RAP1GAP2: variants seen among roughly 807,000 people sequenced by gnomAD.
RAP1GAP2 encodes RAP1 GTPase activating protein 2, also known as rap1 GTPase-activating protein 2.
In RAP1GAP2, 27 loss-of-function variants were observed where a neutral mutation model predicts 95.0. The observed-to-expected ratio is 0.28, with a 90% CI of 0.21 to 0.39. The LOEUF (loss-of-function observed/expected upper bound fraction) is 0.39. RAP1GAP2 is among the 10% of genes least tolerant of loss of function. RAP1GAP2 has a pLI of 1.00. For missense variants in RAP1GAP2, 771 were observed against 970.0 expected, an observed-to-expected ratio of 0.79 and a Z score of 2.72; for synonymous variants, 373 against 380.9, an observed-to-expected ratio of 0.98 and a Z score of 0.24.
intron 3 of RAP1GAP2, among the ~76,000 whole-genome samples, chr17:2,925,556 C>T (rs891674764): frequency 2.1e-4 from 32 of 152,120 alleles, no homozygotes; most frequent in Non-Finnish European, 3.8e-4. Context: ...GATTACAGTT[C>T]GAGATGAGAT....
intron 8 of RAP1GAP2, among the ~76,000 whole-genome samples, chr17:2,972,412 C>T (rs2151513333): frequency 6.6e-6 from 1 of 152,104 alleles, no homozygotes; most frequent in Admixed American, 6.5e-5. Flanking sequence ...AGTGGATCAC[C>T]TGAGGTCAGG....
chr17:2,938,935 G>A (rs1450565595), intron 3 of RAP1GAP2, among the ~76,000 whole-genome samples: 3 of 152,020 alleles, frequency 2.0e-5, no homozygotes, highest in Admixed American at 1.3e-4. Context: ...GTAGTGTGCC[G>A]AGATCATCCC....
Position 2,969,496 on chromosome 17 carries a change from C to CTTTTTTTTTTTTTTTT in RAP1GAP2, c.596+3861_596+3876dup, listed in dbSNP as rs34468461. Among the ~76,000 whole-genome samples, 15 of 83,780 alleles carry CTTTTTTTTTTTTTTTT rather than the reference C, an allele frequency of 1.8e-4. 2 individuals carry two copies. Among genetic ancestry groups the CTTTTTTTTTTTTTTTT allele is most frequent in the African/African-American group, 5.9e-4 (13 of 21,968 alleles). 55.0% of individuals were successfully genotyped at this position (83,780 alleles called of 152,430 possible). The stretch of plus-strand genomic sequence containing the variant: ...GTAAAGATGTGTAAATATATATATT[C>CTTTTTTTTTTTTTTTT]TTTTTTTTTTTTTTTTTTTTTTTGA... On this transcript the variant is annotated intron_variant, in intron 8 of 24. Coordinates refer to ENST00000254695, the MANE Select transcript of RAP1GAP2 (RefSeq NM_015085.5).
intron 8 of RAP1GAP2, among the ~76,000 whole-genome samples, chr17:2,977,920 A>G (rs2045197890): frequency 6.6e-6 from 1 of 152,130 alleles, no homozygotes; most frequent in Non-Finnish European, 1.5e-5. Context: ...TAGTCTCCTC[A>G]TATTCATGGG....
chr17:3,028,879 C>T (rs2047208398), intron 22 of RAP1GAP2, among the ~76,000 whole-genome samples: 1 of 152,190 alleles, frequency 6.6e-6, no homozygotes, highest in African/African-American at 2.4e-5. Context: ...CGGCTCACTG[C>T]AACCTCCGCC....
At chr17:2,841,229 G>A (rs11867849) in intron 2 of RAP1GAP2, among the ~76,000 whole-genome samples, 24,769 of 151,134 alleles carry the variant, frequency 0.16, 2,141 homozygotes, top group Middle Eastern at 0.19. Flanking sequence ...AGTCTTTTCA[G>A]TATTTAATTT....
chr17:2,995,498 AG>A, intron 13 of RAP1GAP2, 32 bp downstream of exon 13: 1 of 1,611,666 alleles, frequency 6.2e-7, no homozygotes, highest in Non-Finnish European at 8.5e-7. Context: ...TTGGGAGCCC[AG>A]GGCGGGCGAG....
intron 2 of RAP1GAP2, among the ~76,000 whole-genome samples, chr17:2,897,760 T>G (rs1314373023): frequency 6.6e-6 from 1 of 152,036 alleles, no homozygotes; most frequent in East Asian, 1.9e-4. Context: ...ACTGTGGGGT[T>G]TGGGCGGTTC....
intron 3 of RAP1GAP2, among the ~76,000 whole-genome samples, chr17:2,947,752 C>G: frequency 6.6e-6 from 1 of 151,764 alleles, no homozygotes; most frequent in Non-Finnish European, 1.5e-5. Context: ...GGTGGTCAGA[C>G]GACATGGGAC....
Position 3,027,975 on chromosome 17 carries a change from C to G in RAP1GAP2, c.2107+905C>G, listed in dbSNP as rs893564804. On this transcript the variant is annotated intron_variant, in intron 22 of 24. Transcript: ENST00000254695. This position sits in a 1 kb window ranked among gnomAD's most constrained non-coding sequence, Gnocchi z 5.2. Reference sequence around the variant, plus strand: ...AGCACCTGAGGGCCGTTCAGGTAGACCTGTGCGGTGGGCACTGCTGGGCGG... The same window carrying G: ...AGCACCTGAGGGCCGTTCAGGTAGAGCTGTGCGGTGGGCACTGCTGGGCGG... Among the ~76,000 whole-genome samples, 2 of 152,076 alleles carry G rather than the reference C, an allele frequency of 1.3e-5. No individual in the cohort carries two copies. Among genetic ancestry groups the G allele is most frequent in the Non-Finnish European group, 2.9e-5 (2 of 67,998 alleles).
At chr17:2,937,940 C>T (rs952942895) in intron 3 of RAP1GAP2, among the ~76,000 whole-genome samples, 1 of 152,084 alleles carries the variant, frequency 6.6e-6, no homozygotes, top group Non-Finnish European at 1.5e-5. Flanking sequence ...CCTCTGTTCT[C>T]CCTTGGAAGA....
rs75798518 is a variant in RAP1GAP2 at position 2,980,313 on chromosome 17, G to A, written c.623G>A (p.Arg208Gln). 2,883 of 1,613,822 alleles carry A rather than the reference G, an allele frequency of 1.8e-3. 40 individuals are homozygous for A. The African/African-American group carries it at 0.032, about 18-fold the overall frequency. ...TCCAAACTGAAGACGGTACATGAGC[G>A]GATCCCCTTGGCTGGACTGAGCAAG... ...LRSKLKTVHE[R>Q]IPLAGLSKLP... Residue 208 changes from arginine to glutamine, a missense_variant, in exon 9 of 25, where the codon CGG (arginine) becomes CAG (glutamine). Physicochemically the swap from Arg to Gln is conservative, Grantham distance 43. Coordinates refer to ENST00000254695, the MANE Select transcript of RAP1GAP2 (RefSeq NM_015085.5).
intron 2 of RAP1GAP2, chr17:2,854,183 G>GTGTT (rs918271528): frequency 1.0e-5 from 10 of 975,630 alleles, no homozygotes; most frequent in Middle Eastern, 5.2e-4. Flanking sequence ...TTTCCGATGG[G>GTGTT]TGTTTGGTTC....
chr17:2,942,569 A>C (rs1237001626), intron 3 of RAP1GAP2, among the ~76,000 whole-genome samples: 1 of 152,208 alleles, frequency 6.6e-6, no homozygotes, highest in Non-Finnish European at 1.5e-5. Context: ...GTGAGAGATA[A>C]GTAAATAGTG....
At chr17:2,891,464 C>T (rs1225483032) in intron 2 of RAP1GAP2, among the ~76,000 whole-genome samples, 1 of 151,874 alleles carries the variant, frequency 6.6e-6, no homozygotes, top group Non-Finnish European at 1.5e-5. Context: ...TTATTTTTTT[C>T]TACCACAATT....
intron 4 of RAP1GAP2, among the ~76,000 whole-genome samples, chr17:2,962,052 G>A (rs960898516): frequency 3.3e-5 from 5 of 151,952 alleles, no homozygotes; most frequent in Non-Finnish European, 7.4e-5. Flanking sequence ...ACAGGCATGC[G>A]CCACCACGCC....
chr17:2,805,555 A>G (rs2069478786), intron 2 of RAP1GAP2, among the ~76,000 whole-genome samples: 1 of 151,862 alleles, frequency 6.6e-6, no homozygotes, highest in Non-Finnish European at 1.5e-5. Context: ...GTATTTTAGT[A>G]GAGATGGGGG....
Position 2,764,151 on chromosome 17 carries a change from G to C in RAP1GAP2, c.51-6178G>C, listed in dbSNP as rs182074027. Among the ~76,000 whole-genome samples the C allele has an allele frequency of 4.6e-5, 7 of 152,250 alleles. No individual in the cohort carries two copies. The East Asian group carries it at 1.3e-3, about 29-fold the overall frequency. On this transcript the variant is annotated intron_variant, in intron 1 of 25. Coordinates refer to the RAP1GAP2 transcript ENST00000637138. Reference sequence around the variant, plus strand: ...TTACCTTTTAAAAAATATAAAATAGGCTGTGCGCAGTGGCTCACGCCTGTA... The same window carrying C: ...TTACCTTTTAAAAAATATAAAATAGCCTGTGCGCAGTGGCTCACGCCTGTA...
In RAP1GAP2 at chr17:2,963,925, C is replaced by A; in HGVS notation, c.349C>A (p.Pro117Thr). ...GTTTGGGGGCTATTGGATCGAGGACCCGGAGAACGTGGGCACCCCAACATC... is the reference window on the plus strand; with the variant it reads ...GTTTGGGGGCTATTGGATCGAGGACACGGAGAACGTGGGCACCCCAACATC... ...PQFGGYWIED[P>T]ENVGTPTSLG... The change falls in exon 7 of 25, where the codon CCG (proline) becomes ACG (threonine). Residue 117 changes from proline to threonine, a missense_variant. Transcript: ENST00000254695. This position sits in a 1 kb window ranked among gnomAD's most constrained non-coding sequence, Gnocchi z 4.8. 1 of 1,613,314 alleles carries A rather than the reference C, an allele frequency of 6.2e-7. No individual in the cohort carries two copies. The highest frequency in any genetic ancestry group is 8.5e-7 in the Non-Finnish European group (1 of 1,179,762).
Sources: gnomAD v4.1 joint callset for allele counts (sites outside exome capture counted in the v4.1 genomes callset) on GRCh38, gnomAD v4.1.1 for gene constraint, Gnocchi (gnomAD v3.1) non-coding constraint, MANE v1.5 for transcripts, NCBI Gene and HGNC (gene_info 2026-07-23, HGNC 2026-07-21) for gene names.